The following NAV2 variants were observed in gnomAD, a reference collection of about 807,000 sequenced individuals.
NAV2 encodes the protein helicase, APC down-regulated 1.
NAV2 carries 54 observed loss-of-function variants against 223.2 expected under a neutral mutation model. The observed-to-expected ratio is 0.24, with a 90% confidence interval of 0.19 to 0.30. NAV2 has a LOEUF of 0.30. Among genes scored for constraint, NAV2 ranks in the 10% least tolerant of loss-of-function variants. The probability of loss-of-function intolerance (pLI) is 1.00; values close to 1 mark genes in which losing one functional copy is unlikely to be tolerated. For synonymous variants in NAV2, 1,279 were observed against 1,239.3 expected, an observed-to-expected ratio of 1.03 and a Z score of -0.67; for missense variants, 2,806 against 3,147.5, an observed-to-expected ratio of 0.89 and a Z score of 2.60.
intron 1 of NAV2, among the ~76,000 whole-genome samples, chr11:19,539,256 T>C (rs1405184015): frequency 6.6e-6 from 1 of 152,212 alleles, no homozygotes; most frequent in Non-Finnish European, 1.5e-5. Context: ...TTGAAGGGAA[T>C]CTATTTCCAG....
chr11:19,676,807 G>T (rs893778965), intron 1 of NAV2, among the ~76,000 whole-genome samples: 1 of 152,172 alleles, frequency 6.6e-6, no homozygotes, highest in Admixed American at 6.5e-5. Context: ...ATCTTCTAAG[G>T]GTTGCCTTAT....
chr11:19,648,915 C>T (rs2047891078), intron 1 of NAV2, among the ~76,000 whole-genome samples: 1 of 152,018 alleles, frequency 6.6e-6, no homozygotes, highest in South Asian at 2.1e-4. Flanking sequence ...TATTTCCTAC[C>T]TGATATCTTA....
At chr11:19,625,386 C>A (rs531561828) in intron 1 of NAV2, among the ~76,000 whole-genome samples, 59 of 152,276 alleles carry the variant, frequency 3.9e-4, no homozygotes, top group African/African-American at 1.3e-3. Flanking sequence ...GACAGAATTT[C>A]ATTTCTTTTT....
rs564309900 is a variant in NAV2, at chr11:19,728,951, G to A, written c.267+14989G>A. On this transcript the variant is annotated intron_variant, in intron 1 of 37. Coordinates refer to ENST00000349880, the MANE Select transcript of NAV2 (RefSeq NM_145117.5). ...ATGGGGCAAGAGAGAGATGCCAAGAGTGCACCCCTTCCTTCATGACAGTAG... is the reference window on the plus strand; with the variant it reads ...ATGGGGCAAGAGAGAGATGCCAAGAATGCACCCCTTCCTTCATGACAGTAG... Among the ~76,000 whole-genome samples the A allele has an allele frequency of 5.3e-5, 8 of 152,284 alleles. No homozygotes were observed. In the South Asian group the frequency reaches 1.7e-3, roughly 32 times the overall value.
chr11:19,767,684 G>A (rs561423124), intron 1 of NAV2, among the ~76,000 whole-genome samples: 1 of 152,340 alleles, frequency 6.6e-6, no homozygotes, highest in South Asian at 2.1e-4. Flanking sequence ...TTGAGAGACA[G>A]GCATCATTAT....
chr11:19,803,893 A>G (rs1474440406), intron 1 of NAV2, among the ~76,000 whole-genome samples: 3 of 152,242 alleles, frequency 2.0e-5, no homozygotes, highest in Non-Finnish European at 4.4e-5. Context: ...TCGAATTGGA[A>G]AGTGGTCAAA....
At chr11:19,951,001 C>T (rs2047351191) in intron 10 of NAV2, among the ~76,000 whole-genome samples, 1 of 152,314 alleles carries the variant, frequency 6.6e-6, no homozygotes, top group Non-Finnish European at 1.5e-5. Flanking sequence ...GCAGAGCCCT[C>T]TCTGTAATGG....
Position 19,497,498 on chromosome 11 carries a change from C to A in NAV2, c.75+146471C>A, listed in dbSNP as rs994444926. ...AGTGTGGGAGCCTCCTTAGAGTGGT[C>A]TAGTGTGTTTGCTATTCCTTGGCTT... On this transcript the variant is annotated intron_variant, in intron 1 of 37. Coordinates refer to the NAV2 transcript ENST00000360655. Among the ~76,000 whole-genome samples, 34 of 152,120 alleles carry A rather than the reference C, an allele frequency of 2.2e-4. 1 individual carries two copies. Among genetic ancestry groups the A allele is most frequent in the African/African-American group, 8.2e-4 (34 of 41,410 alleles).
intron 3 of NAV2, among the ~76,000 whole-genome samples, chr11:19,843,514 A>C (rs1413217711): frequency 1.3e-5 from 2 of 152,200 alleles, no homozygotes; most frequent in East Asian, 3.8e-4. Flanking sequence ...TCTTTTAAAA[A>C]TCTGTTCTTT....
rs76352702 is a variant in NAV2 at position 19,906,983 on chromosome 11, A to G, written c.931+14389A>G. On this transcript the variant is annotated intron_variant, in intron 6 of 37. Coordinates refer to ENST00000349880, the MANE Select transcript of NAV2 (RefSeq NM_145117.5). The stretch of plus-strand genomic sequence containing the variant: ...AGGACACCTGGGGTCTGGTCCCAGC[A>G]ACTCTATTTGATGGCTGTGTGGCTT... Among the ~76,000 whole-genome samples, 285 of 152,270 alleles carry G rather than the reference A, an allele frequency of 1.9e-3. 3 individuals carry two copies. The highest frequency in any genetic ancestry group is 0.012 in the East Asian group (64 of 5,184).
chr11:19,608,731 C>T (rs2046548060), intron 1 of NAV2, among the ~76,000 whole-genome samples: 1 of 152,210 alleles, frequency 6.6e-6, no homozygotes, highest in African/African-American at 2.4e-5. Context: ...CTATTGGTTC[C>T]CTGTTGCTAC....
At chr11:19,539,810 C>A (rs1268787203) in intron 1 of NAV2, among the ~76,000 whole-genome samples, 6 of 152,202 alleles carry the variant, frequency 3.9e-5, no homozygotes, top group African/African-American at 9.7e-5. Context: ...AGGCAGGCTA[C>A]AAATGCTCAG....
intron 10 of NAV2, among the ~76,000 whole-genome samples, chr11:19,957,890 T>C (rs547122918): frequency 6.6e-6 from 1 of 152,008 alleles, no homozygotes; most frequent in African/African-American, 2.4e-5. Flanking sequence ...CTTAGTAATT[T>C]ATGGGGAAGA....
intron 1 of NAV2, among the ~76,000 whole-genome samples, chr11:19,353,902 T>C (rs779701871): frequency 1.3e-5 from 2 of 152,242 alleles, no homozygotes; most frequent in African/African-American, 2.4e-5. Flanking sequence ...CTTAATAAAA[T>C]GGATTCATGC....
At chr11:19,418,860 G>C (rs1188201624) in intron 1 of NAV2, among the ~76,000 whole-genome samples, 1 of 152,108 alleles carries the variant, frequency 6.6e-6, no homozygotes, top group Non-Finnish European at 1.5e-5. Flanking sequence ...GGCTATAGTG[G>C]GAGTCCAGGT....
chr11:20,040,674 T>C (rs2056834091), intron 12 of NAV2, among the ~76,000 whole-genome samples: 1 of 152,174 alleles, frequency 6.6e-6, no homozygotes, highest in South Asian at 2.1e-4. Flanking sequence ...GGATATCGAA[T>C]GACTACATAG....
intron 1 of NAV2, among the ~76,000 whole-genome samples, chr11:19,801,336 T>A (rs1295742637): frequency 1.3e-5 from 2 of 152,190 alleles, no homozygotes; most frequent in Non-Finnish European, 2.9e-5. Flanking sequence ...ACTGACTGGG[T>A]CTCCCCAAAG....
Position 19,869,004 on chromosome 11 carries a change from C to A in NAV2, c.511+7C>A. 1.2e-6 allele frequency: 2 copies of A among 1,613,622 alleles called. No homozygotes were observed. Among genetic ancestry groups the A allele is most frequent in the South Asian group, 2.2e-5 (2 of 91,024 alleles). The stretch of plus-strand genomic sequence containing the variant: ...CAGGGGCTGTCTGCAGAAGGTGAGT[C>A]AGAGCGCTTGTCACGAAGCTGCCTC... On this transcript the variant is annotated splice_region_variant and intron_variant, in intron 4 of 37. Coordinates refer to ENST00000349880, the MANE Select transcript of NAV2 (RefSeq NM_145117.5).
chr11:19,917,193 A>G (rs1381172679), intron 6 of NAV2, among the ~76,000 whole-genome samples: 1 of 152,202 alleles, frequency 6.6e-6, no homozygotes, highest in African/African-American at 2.4e-5. Context: ...GTGAGTTCCC[A>G]TGAGGTGCTG....
Sources: gnomAD v4.1 joint callset for allele counts (sites outside exome capture counted in the v4.1 genomes callset) on GRCh38, gnomAD v4.1.1 for gene constraint, MANE v1.5 for transcripts, NCBI Gene and HGNC (gene_info 2026-07-23, HGNC 2026-07-21) for gene names.